NBAS: variants seen among roughly 807,000 people sequenced by gnomAD.
NBAS encodes NBAS subunit of NRZ tethering complex.
Under a neutral mutation model 302.5 loss-of-function variants are expected in NBAS, and 219 were observed. The ratio of observed to expected loss-of-function variants is 0.72; its 90% CI spans 0.65 to 0.81. The LOEUF is 0.81. Ranked by LOEUF, NBAS falls within the 30% of genes least tolerant of loss-of-function variation. The pLI is 0.00. For synonymous variants in NBAS, 1,118 were observed against 1,021.6 expected, an observed-to-expected ratio of 1.09 and a Z score of -1.80; for missense variants, 2,932 against 2,841.6, an observed-to-expected ratio of 1.03 and a Z score of -0.72.
At position 15,424,385 on chromosome 2, in the gene NBAS, T is replaced by G. The variant is rs780218971; in HGVS notation, c.2507A>C (p.Gln836Pro). The G allele has an allele frequency of 2.7e-5, 44 of 1,614,168 alleles. No homozygotes were observed. The highest frequency in any genetic ancestry group is 1.6e-4 in the Middle Eastern group (1 of 6,062). ...GTCCATAACCTTCTCCACCGTAAGC[T>G]GGGTCATCCTGAACCTTAGTAACTC... Reference protein sequence around the residue: ...QPELLRFRMTQLTVEKVMDWY... With the variant: ...QPELLRFRMTPLTVEKVMDWY... Residue 836 changes from glutamine (Q) to proline (P), a missense_variant, in exon 23 of 52, where the codon CAG becomes CCG. Coordinates refer to ENST00000281513, the MANE Select transcript of NBAS (RefSeq NM_015909.4).
At chr2:15,098,326 G>GATATATTGTATACAATATATT in the NBAS span, among the ~76,000 whole-genome samples, 1 of 1,122 alleles carries the variant, frequency 8.9e-4, no homozygotes, top group African/African-American at 2.3e-3. Context: ...TATCATATAT[G>GATATATTGTATACAATATATT]ATATATTGTA....
At chr2:15,272,084 T>A (rs942943800) in intron 44 of NBAS, among the ~76,000 whole-genome samples, 1 of 152,196 alleles carries the variant, frequency 6.6e-6, no homozygotes, top group Non-Finnish European at 1.5e-5. Flanking sequence ...ATTCTGCAAA[T>A]GTAAATGGCA....
rs370851287 is a variant in NBAS, at chr2:15,417,745, T to C, written c.2578-33A>G. On this transcript the variant is annotated intron_variant, in intron 23 of 51. Coordinates refer to ENST00000281513, the MANE Select transcript of NBAS (RefSeq NM_015909.4). Reference sequence around the variant, plus strand: ...TGAAAAGCAACAATAAGTTCCTGAGTATTATATATTTCTCATCTATTCTAA... The same window carrying C: ...TGAAAAGCAACAATAAGTTCCTGAGCATTATATATTTCTCATCTATTCTAA... The C allele has an allele frequency of 1.5e-5, 23 of 1,584,572 alleles. No individual in the cohort carries two copies. In the African/African-American group the frequency reaches 2.0e-4, roughly 14 times the overall value.
intron 51 of NBAS, among the ~76,000 whole-genome samples, chr2:15,172,462 A>T (rs975200783): frequency 3.3e-5 from 5 of 152,220 alleles, no homozygotes; most frequent in Admixed American, 1.3e-4. Flanking sequence ...TTTGTTGTAT[A>T]GAAGTTTTAC....
chr2:14,808,098 T>G, the NBAS span, among the ~76,000 whole-genome samples: 3 of 152,240 alleles, frequency 2.0e-5, no homozygotes, highest in Non-Finnish European at 4.4e-5. Context: ...ATGAATTACT[T>G]TTTGTGCATC....
At chr2:15,027,322 T>G in the NBAS span, among the ~76,000 whole-genome samples, 1 of 152,158 alleles carries the variant, frequency 6.6e-6, no homozygotes, top group Admixed American at 6.5e-5. Context: ...TTGTGTACAT[T>G]TACTGCCTTT....
At chr2:15,130,762 C>A in the NBAS span, among the ~76,000 whole-genome samples, 1 of 152,218 alleles carries the variant, frequency 6.6e-6, no homozygotes, top group South Asian at 2.1e-4. Flanking sequence ...CTCCGCTAAG[C>A]CATTCCCTTG....
At chr2:15,017,443 C>T in the NBAS span, among the ~76,000 whole-genome samples, 2 of 151,748 alleles carry the variant, frequency 1.3e-5, no homozygotes, top group Admixed American at 6.6e-5. Context: ...CCAGAATATA[C>T]ATGGAACTCA....
the NBAS span, among the ~76,000 whole-genome samples, chr2:15,047,474 G>C: frequency 6.6e-6 from 1 of 151,806 alleles, no homozygotes; most frequent in Non-Finnish European, 1.5e-5. Flanking sequence ...GCAGGTAAAG[G>C]CTGGCCTTAT....
chr2:15,311,764 A>G (rs1473343433), intron 38 of NBAS, among the ~76,000 whole-genome samples: 1 of 152,058 alleles, frequency 6.6e-6, no homozygotes, highest in Non-Finnish European at 1.5e-5. Flanking sequence ...TGTTTTCCTC[A>G]ACTTACAAGA....
At chr2:15,040,626 C>G in the NBAS span, among the ~76,000 whole-genome samples, 1 of 152,206 alleles carries the variant, frequency 6.6e-6, no homozygotes, top group Non-Finnish European at 1.5e-5. Context: ...GCACCAAGCT[C>G]GTGGCAATCT....
chr2:15,332,941 A>C (rs747041094), intron 35 of NBAS, among the ~76,000 whole-genome samples: 1 of 152,248 alleles, frequency 6.6e-6, no homozygotes, highest in Non-Finnish European at 1.5e-5. Context: ...CTCAGTTTAC[A>C]TATCTCCTAC....
At chr2:15,366,531 A>T (rs1674209449) in intron 32 of NBAS, 49 bp downstream of exon 32, 2 of 1,516,504 alleles carry the variant, frequency 1.3e-6, no homozygotes, top group African/African-American at 2.7e-5. Context: ...AATGATGTCA[A>T]GAATAACATA....
chr2:14,796,777 T>C, the NBAS span, among the ~76,000 whole-genome samples: 1 of 151,984 alleles, frequency 6.6e-6, no homozygotes, highest in Admixed American at 6.6e-5. Context: ...TTCTGAGTAA[T>C]GCTTTTTAAC....
At chr2:15,197,507 G>A (rs2125155326) in intron 48 of NBAS, among the ~76,000 whole-genome samples, 1 of 152,226 alleles carries the variant, frequency 6.6e-6, no homozygotes, top group East Asian at 1.9e-4. Context: ...ACAGTGATTG[G>A]AGAGATGACC....
intron 47 of NBAS, among the ~76,000 whole-genome samples, chr2:15,226,756 T>C (rs558514043): frequency 1.4e-3 from 212 of 152,340 alleles, no homozygotes; most frequent in African/African-American, 4.6e-3. Context: ...AGAGAGCTTT[T>C]TGGGAGAGGC....
chr2:15,366,519 G>A, intron 32 of NBAS, 61 bp downstream of exon 32: 1 of 1,449,750 alleles, frequency 6.9e-7, no homozygotes, highest in Non-Finnish European at 9.7e-7. Context: ...CTATTGTCCT[G>A]CAATGATGTC....
the NBAS span, among the ~76,000 whole-genome samples, chr2:14,988,682 G>T: frequency 6.6e-6 from 1 of 152,104 alleles, no homozygotes; most frequent in Non-Finnish European, 1.5e-5. Context: ...CTGGTAAACA[G>T]ATATTTTTCT....
At chr2:15,313,934 T>C (rs1352278741) in intron 38 of NBAS, among the ~76,000 whole-genome samples, 1 of 152,222 alleles carries the variant, frequency 6.6e-6, no homozygotes, top group South Asian at 2.1e-4. Context: ...TAACCACACG[T>C]CACCTGGTGA....
Sources: allele counts gnomAD v4.1 joint callset (sites outside exome capture counted in the v4.1 genomes callset), GRCh38; gene constraint gnomAD v4.1.1; transcripts MANE v1.5; gene names NCBI Gene and HGNC (gene_info 2026-07-23, HGNC 2026-07-21).